GLIS3: variants seen among roughly 807,000 people sequenced by gnomAD.
GLIS3 encodes the protein zinc finger protein GLIS3.
In GLIS3, 53 loss-of-function variants were observed where a neutral mutation model predicts 78.6. The ratio of observed to expected loss-of-function variants is 0.67; its 90% CI spans 0.54 to 0.85. The LOEUF is 0.85. Ranked by LOEUF, GLIS3 falls within the 40% of genes least tolerant of loss-of-function variation. The probability of loss-of-function intolerance (pLI) is 0.00; values close to 1 mark genes in which losing one functional copy is unlikely to be tolerated. For synonymous variants in GLIS3, 684 were observed against 509.9 expected (o/e 1.34, Z -4.60); for missense variants, 1,703 against 1,231.1 (o/e 1.38, Z -5.74).
the GLIS3 span, among the ~76,000 whole-genome samples, chr9:4,354,088 A>G: frequency 2.7e-5 from 4 of 150,938 alleles, no homozygotes; most frequent in Admixed American, 2.0e-4. Flanking sequence ...CGCCTGCCTC[A>G]GCCTCCCAAA....
rs923475875 is a variant in GLIS3 at position 4,323,706 on chromosome 9, A to C, written n.265-13178T>G. ...GTCATTACCACCATAGCAGCCTCAC[A>C]TCTGCATGATTGGGATCTGTCTTCT... On this transcript the variant is annotated intron_variant and non_coding_transcript_variant, in intron 2 of 4. Transcript: ENST00000471664. Among the ~76,000 whole-genome samples the C allele has an allele frequency of 3.9e-5, 6 of 152,278 alleles. 1 individual carries two copies. The highest frequency in any genetic ancestry group is 3.3e-4 in the Admixed American group (5 of 15,298).
chr9:4,434,601 T>C, the GLIS3 span, among the ~76,000 whole-genome samples: 41,740 of 151,960 alleles, frequency 0.27, 6,070 homozygotes, highest in East Asian at 0.43. Context: ...GGTGAGTGGA[T>C]GGATGAATGG....
chr9:4,118,794 G>C lies in GLIS3; in HGVS notation c.684C>G (p.Ser228=). ...QSASSMKQEW[S]QGYRALPSLS... ...GCGAAGGGAGGGCCCTGTAGCCCTGGGACCACTCCTGCTTCATGCTTGAGG... is the reference window on the plus strand; with the variant it reads ...GCGAAGGGAGGGCCCTGTAGCCCTGCGACCACTCCTGCTTCATGCTTGAGG... Residue 228 remains serine, a synonymous_variant, in exon 4 of 11, where the codon TCC becomes TCG. Coordinates refer to ENST00000381971, the MANE Select transcript of GLIS3 (RefSeq NM_001042413.2). This position sits in a 1 kb window ranked among gnomAD's most constrained non-coding sequence, Gnocchi z 4.7. 6.2e-7 allele frequency: 1 copy of C among 1,611,300 alleles called. No homozygotes were observed. The highest frequency in any genetic ancestry group is 2.2e-5 in the East Asian group (1 of 44,858).
chr9:4,382,366 C>T, the GLIS3 span, among the ~76,000 whole-genome samples: 2 of 151,894 alleles, frequency 1.3e-5, no homozygotes, highest in African/African-American at 2.4e-5. Context: ...GAATAAAATG[C>T]CTTTCCCCCA....
chr9:4,459,096 C>T, the GLIS3 span, among the ~76,000 whole-genome samples: 4 of 152,180 alleles, frequency 2.6e-5, no homozygotes, highest in African/African-American at 9.6e-5. Context: ...AGTAGAAACA[C>T]TCTGGCTGCC....
At chr9:4,407,404 G>C in the GLIS3 span, among the ~76,000 whole-genome samples, 1 of 152,218 alleles carries the variant, frequency 6.6e-6, no homozygotes, top group East Asian at 1.9e-4. Flanking sequence ...CCAGCACTTC[G>C]GGAGGCCGAG....
At chr9:3,900,471 AAAG>A (rs1235720791) in intron 6 of GLIS3, among the ~76,000 whole-genome samples, 10 of 45,794 alleles carry the variant, frequency 2.2e-4, no homozygotes, top group East Asian at 1.8e-3. Context: ...CAGAGGTGTT[AAAG>A]AAGATTTGTA....
chr9:4,433,465 G>A, the GLIS3 span, among the ~76,000 whole-genome samples: 1 of 152,008 alleles, frequency 6.6e-6, no homozygotes, highest in Admixed American at 6.6e-5. Context: ...AATAAAATGA[G>A]CTTTCATAGG....
chr9:3,882,219 T>TAA (rs397893864), intron 7 of GLIS3, among the ~76,000 whole-genome samples: 2 of 152,024 alleles, frequency 1.3e-5, no homozygotes, highest in African/African-American at 4.8e-5. Flanking sequence ...GAACAAGATA[T>TAA]AAATGCCCAT....
intron 2 of GLIS3, among the ~76,000 whole-genome samples, chr9:4,126,552 T>G (rs1035723988): frequency 1.3e-5 from 2 of 152,180 alleles, no homozygotes; most frequent in African/African-American, 4.8e-5. Context: ...GTAACCAAAT[T>G]GGACATAGAT....
chr9:4,392,057 A>C, the GLIS3 span, among the ~76,000 whole-genome samples: 7 of 152,214 alleles, frequency 4.6e-5, no homozygotes, highest in Non-Finnish European at 7.3e-5. Flanking sequence ...TACACCATGG[A>C]ATACTATACA....
At chr9:4,269,293 T>C (rs183806733) in intron 2 of GLIS3, among the ~76,000 whole-genome samples, 1,531 of 152,202 alleles carry the variant, frequency 0.01, 25 homozygotes, top group African/African-American at 0.034. Flanking sequence ...CCCACAGATA[T>C]TATAATATCA....
chr9:4,118,580 T>G lies in GLIS3; in HGVS notation c.898A>C (p.Lys300Gln). 1 of 1,614,158 alleles carries G rather than the reference T, an allele frequency of 6.2e-7. No individual in the cohort carries two copies. The highest frequency in any genetic ancestry group is 1.1e-5 in the South Asian group (1 of 91,084). ...AGCGGGGACAAGGACAGCGCTCTCT[T>G]CTTGGAGCGGGCCGAGTGGGACCTG... ...STRSHSARSK[K>Q]RALSLSPLSD... Residue 300 changes from lysine (K) to glutamine (Q), a missense_variant, in exon 4 of 11, where the codon AAG (lysine) becomes CAG (glutamine). Coordinates refer to ENST00000381971, the MANE Select transcript of GLIS3 (RefSeq NM_001042413.2). This position sits in a 1 kb window ranked among gnomAD's most constrained non-coding sequence, Gnocchi z 4.7.
chr9:4,172,343 G>C (rs1198855280), intron 2 of GLIS3, among the ~76,000 whole-genome samples: 3 of 152,090 alleles, frequency 2.0e-5, no homozygotes, highest in African/African-American at 7.2e-5. Flanking sequence ...ACAGGTATAG[G>C]ATGGTCCACT....
intron 4 of GLIS3, among the ~76,000 whole-genome samples, chr9:4,117,427 G>A (rs539991171): frequency 6.6e-6 from 1 of 152,338 alleles, no homozygotes; most frequent in South Asian, 2.1e-4. Context: ...AAAGCTTGCT[G>A]ATGTGCAATC....
chr9:4,475,049 A>C, the GLIS3 span, among the ~76,000 whole-genome samples: 1 of 131,898 alleles, frequency 7.6e-6, no homozygotes, highest in East Asian at 2.1e-4. Flanking sequence ...GCTAGAGTGC[A>C]GTGGCATGAT....
intron 2 of GLIS3, among the ~76,000 whole-genome samples, chr9:4,127,442 G>A (rs926486471): frequency 4.6e-5 from 7 of 151,956 alleles, no homozygotes; most frequent in East Asian, 3.9e-4. Context: ...GTTTATATCT[G>A]ATCCATCTTC....
At chr9:4,144,926 T>C (rs1489168243) in intron 2 of GLIS3, 1 of 152,280 alleles carries the variant, frequency 6.6e-6, no homozygotes, top group East Asian at 1.9e-4. Context: ...TCTTCATAAC[T>C]GTCTTCACCA....
At chr9:4,073,711 T>A (rs1259480111) in intron 4 of GLIS3, among the ~76,000 whole-genome samples, 1 of 152,230 alleles carries the variant, frequency 6.6e-6, no homozygotes, top group African/African-American at 2.4e-5. Context: ...ATTACCTGAA[T>A]TCAAACGCTT....
Sources: gnomAD v4.1 joint callset for allele counts (sites outside exome capture counted in the v4.1 genomes callset) on GRCh38, gnomAD v4.1.1 for gene constraint, Gnocchi (gnomAD v3.1) non-coding constraint, MANE v1.5 for transcripts, NCBI Gene and HGNC (gene_info 2026-07-23, HGNC 2026-07-21) for gene names.